The following MYO3B variants were observed in gnomAD, a reference collection of about 807,000 sequenced individuals.
MYO3B encodes the protein myosin IIIB, also known as myosin-IIIb.
Under a neutral mutation model 174.6 loss-of-function variants are expected in MYO3B, and 156 were observed. The ratio of observed to expected loss-of-function variants is 0.89; its 90% CI spans 0.78 to 1.02. The LOEUF is 1.02. Among genes scored for constraint, MYO3B ranks in the 50% least tolerant of loss-of-function variants. The pLI, the probability that MYO3B is intolerant of heterozygous loss-of-function variation, is 0.00. For synonymous variants in MYO3B, 563 were observed against 569.1 expected, an observed-to-expected ratio of 0.99 and a Z score of 0.15; for missense variants, 1,632 against 1,639.4, an observed-to-expected ratio of 1.00 and a Z score of 0.08.
chr2:170,634,512 A>T (rs1697293645), intron 32 of MYO3B, among the ~76,000 whole-genome samples: 1 of 152,234 alleles, frequency 6.6e-6, no homozygotes, highest in Non-Finnish European at 1.5e-5. Flanking sequence ...AAACCATAAA[A>T]ACTGTAGAAG....
rs1331320953 is a variant in MYO3B, at chr2:170,317,395, T to TTAGG, written c.750-17988_750-17985dup. On this transcript the variant is annotated intron_variant, in intron 7 of 34. Transcript: ENST00000408978. ...CCCTGTTCCCAGAGGTTCTGTTTCATTAGGTCTGTGATAGTCTGGGACTCT... is the reference window on the plus strand; with the variant it reads ...CCCTGTTCCCAGAGGTTCTGTTTCATTAGGTAGGTCTGTGATAGTCTGGGACTCT... Among the ~76,000 whole-genome samples the TTAGG allele has an allele frequency of 3.3e-5, 5 of 152,330 alleles. No homozygotes were observed. The East Asian group carries it at 9.7e-4, about 29-fold the overall frequency.
chr2:170,644,713 T>C (rs1698234842), intron 32 of MYO3B: 2 of 152,230 alleles, frequency 1.3e-5, no homozygotes, highest in South Asian at 2.1e-4. Flanking sequence ...ATGTGACAGA[T>C]TGACTGAATT....
At chr2:170,367,190 T>A (rs2094205245) in intron 8 of MYO3B, among the ~76,000 whole-genome samples, 1 of 152,186 alleles carries the variant, frequency 6.6e-6, no homozygotes, top group South Asian at 2.1e-4. Flanking sequence ...TTCTTTCTTT[T>A]CAATGAGCAT....
At chr2:170,516,291 GTGTTTTTTGT>G (rs993895582) in intron 29 of MYO3B, among the ~76,000 whole-genome samples, 2 of 151,628 alleles carry the variant, frequency 1.3e-5, no homozygotes, top group African/African-American at 4.8e-5. Context: ...GGTGTTCTTG[GTGTTTTTTGT>G]TGTTTTTTTT....
At position 170,410,388 on chromosome 2, in the gene MYO3B, T is replaced by G. The variant is rs528567404; in HGVS notation, c.2650+2544T>G. ...CGAGGTCAGGAGTTCGAGACCAGCC[T>G]GGCCAACATAGTGAAACCCCGTCTC... is the stretch of plus-strand genomic sequence containing the variant. On this transcript the variant is annotated intron_variant, in intron 22 of 34. Transcript: ENST00000408978. Among the ~76,000 whole-genome samples the G allele has an allele frequency of 2.5e-4, 38 of 152,112 alleles. No homozygotes were observed. In the East Asian group the frequency reaches 6.8e-3, roughly 27 times the overall value.
intron 32 of MYO3B, among the ~76,000 whole-genome samples, chr2:170,649,382 ATT>A (rs1491260004): frequency 4.3e-5 from 4 of 94,096 alleles, no homozygotes. Flanking sequence ...ATATAAATAT[ATT>A]ATATAAAAAT....
intron 32 of MYO3B, chr2:170,646,846 A>G: frequency 2.1e-6 from 2 of 941,488 alleles, no homozygotes; most frequent in Non-Finnish European, 3.1e-6. Context: ...GCTGTTCGTC[A>G]GGATAGTTCA....
rs114385224 is a variant in MYO3B, at chr2:170,600,347, C to G, written c.3734-51281C>G. ...AAGAAAACAATAATCTCGAAAACCA[C>G]AAAATTGCCAAATTGTTCCCTAAAC... On this transcript the variant is annotated intron_variant, in intron 32 of 34. Transcript: ENST00000408978. Among the ~76,000 whole-genome samples, 630 of 152,182 alleles carry G rather than the reference C, an allele frequency of 4.1e-3. 4 individuals carry two copies. The highest frequency in any genetic ancestry group is 0.015 in the African/African-American group (609 of 41,538).
At position 170,543,040 on chromosome 2, in the gene MYO3B, C is replaced by A. The variant is rs1322711771; in HGVS notation, c.3636+74C>A. 94 of 1,263,730 alleles carry A rather than the reference C, an allele frequency of 7.4e-5. 1 individual carries two copies. The South Asian group carries it at 9.7e-4, about 13-fold the overall frequency. The allele number at this position is 1,263,730 out of a possible 1,614,324, so 78.3% of individuals were successfully genotyped here. On this transcript the variant is annotated intron_variant, in intron 31 of 34. Transcript: ENST00000408978. The stretch of plus-strand genomic sequence containing the variant: ...CTCATCCAAGTTCATAGGCATGAAG[C>A]TTGTCTGCGGCTGCGTGGTTGGACC...
intron 25 of MYO3B, among the ~76,000 whole-genome samples, chr2:170,483,535 C>T (rs1200036047): frequency 2.3e-5 from 3 of 133,308 alleles, no homozygotes; most frequent in South Asian, 2.2e-4. Flanking sequence ...TACAGGCGCC[C>T]GCTACCACGC....
rs541038612 is a variant in MYO3B, at chr2:170,371,763, C to A, written c.971+2386C>A. Among the ~76,000 whole-genome samples, 121 of 150,850 alleles carry A rather than the reference C, an allele frequency of 8.0e-4. 2 individuals carry two copies. The highest frequency in any genetic ancestry group is 2.8e-3 in the African/African-American group (115 of 41,124). ...GCCTAATTACCCGCTCATCATTTTT[C>A]TGCACAGTTATGGCCACCCGGCAGG... On this transcript the variant is annotated intron_variant, in intron 9 of 34. Transcript: ENST00000408978.
At chr2:170,639,342 G>A (rs1697774795) in intron 32 of MYO3B, among the ~76,000 whole-genome samples, 2 of 152,174 alleles carry the variant, frequency 1.3e-5, no homozygotes, top group African/African-American at 2.4e-5. Context: ...TAAAAGCTGA[G>A]TTAATGCTGT....
chr2:170,508,071 A>G (rs1687725540), intron 28 of MYO3B, among the ~76,000 whole-genome samples: 1 of 152,190 alleles, frequency 6.6e-6, no homozygotes, highest in South Asian at 2.1e-4. Flanking sequence ...TGTGCCCAAT[A>G]TCATACCGGC....
chr2:170,200,978 A>G (rs1371661785), intron 3 of MYO3B, among the ~76,000 whole-genome samples: 2 of 152,164 alleles, frequency 1.3e-5, no homozygotes, highest in African/African-American at 2.4e-5. Context: ...GTGGAAGCCA[A>G]CTTGGGTGAG....
intron 30 of MYO3B, among the ~76,000 whole-genome samples, chr2:170,540,519 G>C (rs1210774974): frequency 6.6e-6 from 1 of 152,002 alleles, no homozygotes; most frequent in Non-Finnish European, 1.5e-5. Flanking sequence ...GGCTCAAGCA[G>C]TTCTCCCACC....
intron 7 of MYO3B, among the ~76,000 whole-genome samples, chr2:170,248,632 T>A (rs1574652633): frequency 6.6e-6 from 1 of 152,186 alleles, no homozygotes; most frequent in Non-Finnish European, 1.5e-5. Flanking sequence ...TGTGGCTCCC[T>A]TCTATCTTAA....
chr2:170,321,670 G>T (rs766340436), intron 7 of MYO3B, among the ~76,000 whole-genome samples: 1 of 152,164 alleles, frequency 6.6e-6, no homozygotes, highest in Non-Finnish European at 1.5e-5. Context: ...TCTCAGGCAT[G>T]TCTGGGACAT....
At chr2:170,648,104 C>T (rs1380994870) in intron 32 of MYO3B, 1 of 152,216 alleles carries the variant, frequency 6.6e-6, no homozygotes, top group Non-Finnish European at 1.5e-5. Context: ...AAGGGACTCA[C>T]AGCTTCACAT....
chr2:170,372,118 C>CAA (rs769243145), intron 9 of MYO3B, among the ~76,000 whole-genome samples: 3,959 of 22,170 alleles, frequency 0.18, 1,049 homozygotes, highest in Non-Finnish European at 0.29. Context: ...GACCCTGTCT[C>CAA]AAAAAAAAAA....
Sources: allele counts gnomAD v4.1 joint callset (sites outside exome capture counted in the v4.1 genomes callset), GRCh38; gene constraint gnomAD v4.1.1; transcripts MANE v1.5; gene names NCBI Gene and HGNC (gene_info 2026-07-23, HGNC 2026-07-21).